The following KRT84 variants were observed in gnomAD, a reference collection of about 807,000 sequenced individuals.
KRT84 encodes keratin 84.
Under a neutral mutation model 49.0 loss-of-function variants are expected in KRT84, and 38 were observed. The observed-to-expected ratio is 0.78, with a 90% CI of 0.60 to 1.02. The LOEUF is 1.02. KRT84 is among the 50% of genes least tolerant of loss of function. KRT84 has a pLI of 0.00. For synonymous variants in KRT84, 334 were observed against 312.8 expected (o/e 1.07, Z -0.72); for missense variants, 860 against 788.6 (o/e 1.09, Z -1.08).
chr12:52,384,004 T>C (rs1287048682), intron 1 of KRT84, among the ~76,000 whole-genome samples: 1 of 152,224 alleles, frequency 6.6e-6, no homozygotes. Flanking sequence ...TAGTTACCAA[T>C]ATGGGGTTTT....
At position 52,381,353 on chromosome 12, in the gene KRT84, C is replaced by T. The variant is rs1006699227; in HGVS notation, c.1077+8G>A. Reference sequence around the variant, plus strand: ...GCCTACATCCCTTCCCCAGCCTCCACTGCCCACCTTGGTCTGGTACCAGGC... The same window carrying T: ...GCCTACATCCCTTCCCCAGCCTCCATTGCCCACCTTGGTCTGGTACCAGGC... On this transcript the variant is annotated splice_region_variant and intron_variant, in intron 5 of 8. Coordinates refer to ENST00000257951, the MANE Select transcript of KRT84 (RefSeq NM_033045.4). 1 of 1,614,206 alleles carries T rather than the reference C, an allele frequency of 6.2e-7. No homozygotes were observed. The highest frequency in any genetic ancestry group is 8.5e-7 in the Non-Finnish European group (1 of 1,180,024).
chr12:52,383,472 T>G, intron 2 of KRT84, 118 bp downstream of exon 2: 7 of 672,106 alleles, frequency 1.0e-5, no homozygotes, highest in East Asian at 3.3e-5. Context: ...TCCCCAGGCT[T>G]GATGTGGTAA....
rs1939563653 is a variant in KRT84, at chr12:52,385,627, G to A, written c.-42C>T. 3 of 1,582,492 alleles carry A rather than the reference G, an allele frequency of 1.9e-6. No individual in the cohort carries two copies. The highest frequency in any genetic ancestry group is 1.1e-5 in the South Asian group (1 of 87,184). On this transcript the variant is annotated 5_prime_UTR_variant, in exon 1 of 9. Coordinates refer to ENST00000257951, the MANE Select transcript of KRT84 (RefSeq NM_033045.4). ...GGAGCAAAAGAGCAAGTGTAGAATG[G>A]GTGAGCTGGAGCTGGGAGTCCCTCT...
At chr12:52,380,726 T>G in intron 6 of KRT84, 143 bp from the exon 7 acceptor site, 1 of 850,918 alleles carries the variant, frequency 1.2e-6, no homozygotes, top group South Asian at 1.8e-5. Context: ...TCCCAGGCAC[T>G]GGAGACCCTG....
intron 8 of KRT84, 97 bp from the exon 9 acceptor site, chr12:52,378,477 GT>G (rs2121429748): frequency 1.1e-6 from 1 of 874,890 alleles, no homozygotes; most frequent in East Asian, 3.1e-5. Context: ...TGGGGAGGGA[GT>G]GGGGTCAGGG....
chr12:52,380,291 C>T (rs1432089798), intron 7 of KRT84, 72 bp downstream of exon 7: 1 of 1,552,886 alleles, frequency 6.4e-7, no homozygotes, highest in Non-Finnish European at 8.8e-7. Context: ...TCTTCACTGT[C>T]CCCTTCTCTT....
Position 52,384,143 on chromosome 12 carries a change from G to C in KRT84, c.547-345C>G, listed in dbSNP as rs535357500. ...GCCTATATCTGAAAACTGATGCCAG[G>C]CATCCCTGGCAGAGAATGGGGAGCA... On this transcript the variant is annotated intron_variant, in intron 1 of 8. Coordinates refer to ENST00000257951, the MANE Select transcript of KRT84 (RefSeq NM_033045.4). Among the ~76,000 whole-genome samples the C allele has an allele frequency of 1.3e-4, 20 of 152,352 alleles. No individual in the cohort carries two copies. The South Asian group carries it at 4.1e-3, about 32-fold the overall frequency.
chr12:52,380,090 T>G (rs1308870957), intron 7 of KRT84, among the ~76,000 whole-genome samples, 183 bp from the exon 8 acceptor site: 1 of 152,168 alleles, frequency 6.6e-6, no homozygotes, highest in Non-Finnish European at 1.5e-5. Context: ...ACCATTAGAT[T>G]AAAATATTTA....
upstream of KRT84, among the ~76,000 whole-genome samples, chr12:52,386,249 G>A (rs938192928): frequency 5.3e-5 from 8 of 152,188 alleles, no homozygotes; most frequent in African/African-American, 1.9e-4. Context: ...AGACACATCT[G>A]TGATTTGAGA....
chr12:52,378,258 G>T lies in KRT84; in HGVS notation c.1579C>A (p.Leu527Met). 6.4e-7 allele frequency: 1 copy of T among 1,556,906 alleles called. No individual in the cohort carries two copies. The highest frequency in any genetic ancestry group is 2.4e-5 in the East Asian group (1 of 42,010). The change falls in exon 9 of 9, where the codon CTG becomes ATG. Residue 527 changes from leucine (L) to methionine (M), a missense_variant. Leu to Met is a conservative substitution (Grantham distance 15). Transcript: ENST00000257951. ...SSSVCATSGV[L>M]ASCGPSLGGA... The stretch of plus-strand genomic sequence containing the variant: ...CCCAGGCTGGGGCCACAGGAAGCCA[G>T]GACCCCACTGGTGGCACAGACGCTG...
intron 3 of KRT84, among the ~76,000 whole-genome samples, 187 bp from the exon 4 acceptor site, chr12:52,382,719 G>T (rs1031903745): frequency 5.9e-5 from 9 of 152,156 alleles, no homozygotes; most frequent in Admixed American, 5.2e-4. Context: ...AGGGGCTGCT[G>T]GACATTTCCT....
upstream of KRT84, among the ~76,000 whole-genome samples, chr12:52,386,522 G>T (rs1939576332): frequency 6.6e-6 from 1 of 151,592 alleles, no homozygotes; most frequent in African/African-American, 2.4e-5. Context: ...ATGCCCAGCA[G>T]AACATTTATC....
At position 52,378,342 on chromosome 12, in the gene KRT84, C is replaced by G. The variant is rs2121428830; in HGVS notation, c.1495G>C (p.Glu499Gln). The change falls in exon 9 of 9, where the codon GAG becomes CAG. Residue 499 changes from glutamate (E) to glutamine (Q), a missense_variant. Transcript: ENST00000257951. ...SSRGGLVCGP[E>Q]PLVAGSTLSR... ...AGGGTGGAGCCGGCAACCAAAGGCT[C>G]AGGCCCGCACACCAGGCCGCCCCGG... 1 of 1,502,488 alleles carries G rather than the reference C, an allele frequency of 6.7e-7. No homozygotes were observed. The highest frequency in any genetic ancestry group is 1.4e-5 in the African/African-American group (1 of 71,142). The allele number at this position is 1,502,488 out of a possible 1,614,324, so 93.1% of individuals were successfully genotyped here.
In KRT84 at chr12:52,381,061, C is replaced by T. The variant is rs994884336; in HGVS notation, c.1203+19G>A. The T allele has an allele frequency of 1.9e-6, 3 of 1,612,428 alleles. No homozygotes were observed. The highest frequency in any genetic ancestry group is 8.5e-7 in the Non-Finnish European group (1 of 1,178,894). ...TGGTTCTCCCTCATCTGAGGCTTTC[C>T]CTCCTTTCCTTTGCCCACCTGAGCC... On this transcript the variant is annotated intron_variant, in intron 6 of 8. Coordinates refer to ENST00000257951, the MANE Select transcript of KRT84 (RefSeq NM_033045.4).
Position 52,378,013 on chromosome 12 carries a change from CA to C in KRT84, c.*20del. 1 of 1,422,490 alleles carries C rather than the reference CA, an allele frequency of 7.0e-7. No homozygotes were observed. The highest frequency in any genetic ancestry group is 9.2e-7 in the Non-Finnish European group (1 of 1,085,622). 88.1% of individuals were successfully genotyped at this position (1,422,490 alleles called of 1,614,324 possible). On this transcript the variant is annotated 3_prime_UTR_variant, in exon 9 of 9. Transcript: ENST00000257951. ...GTGGAGCTGGTTCTTCTCTGGGCAG[CA>C]GCTGTCTGGGGCTGGGCTCTCAGTA...
At chr12:52,381,287 C>T (rs1457130004) in intron 5 of KRT84, 74 bp downstream of exon 5, 6 of 1,609,792 alleles carry the variant, frequency 3.7e-6, no homozygotes, top group African/African-American at 2.7e-5. Flanking sequence ...CTTCAAACCT[C>T]CCTGGGCCTG....
At position 52,385,591 on chromosome 12, in the gene KRT84, C is replaced by A. The variant is rs1301498122; in HGVS notation, c.-6G>T. 2 of 1,610,502 alleles carry A rather than the reference C, an allele frequency of 1.2e-6. No homozygotes were observed. The highest frequency in any genetic ancestry group is 8.5e-7 in the Non-Finnish European group (1 of 1,177,864). On this transcript the variant is annotated 5_prime_UTR_variant, in exon 1 of 9. Coordinates refer to ENST00000257951, the MANE Select transcript of KRT84 (RefSeq NM_033045.4). ...CGGTAGGAGCGGCAAGACATGATGG[C>A]TTCCTGGTTGGGAGCAAAAGAGCAA... is the stretch of plus-strand genomic sequence containing the variant.
upstream of KRT84, chr12:52,385,683 T>A (rs1939564262): frequency 8.6e-7 from 1 of 1,160,952 alleles, no homozygotes; most frequent in Non-Finnish European, 1.2e-6. Flanking sequence ...ACCCCTTTTA[T>A]GTGTGTGGTG....
upstream of KRT84, among the ~76,000 whole-genome samples, chr12:52,386,715 C>T (rs1432885002): frequency 3.9e-5 from 6 of 152,088 alleles, no homozygotes; most frequent in East Asian, 1.2e-3. Flanking sequence ...TAGAGAGACA[C>T]AAAGCAATAT....
Sources: gnomAD v4.1 joint callset for allele counts (sites outside exome capture counted in the v4.1 genomes callset) on GRCh38, gnomAD v4.1.1 for gene constraint, MANE v1.5 for transcripts, NCBI Gene and HGNC (gene_info 2026-07-23, HGNC 2026-07-21) for gene names.